Variants in SLC23A2 observed in about 807,000 individuals in gnomAD.
SLC23A2 encodes solute carrier family 23 member 2.
In SLC23A2, 36 loss-of-function variants were observed where a neutral mutation model predicts 73.3. The observed-to-expected ratio is 0.49, with a 90% confidence interval of 0.38 to 0.65. The LOEUF is 0.65. Among genes scored for constraint, SLC23A2 ranks in the 30% least tolerant of loss-of-function variants. The probability of loss-of-function intolerance (pLI) is 0.00; values close to 1 mark genes in which losing one functional copy is unlikely to be tolerated. For missense variants in SLC23A2, 507 were observed against 841.6 expected, an observed-to-expected ratio of 0.60 and a Z score of 4.92; for synonymous variants, 343 against 327.3, an observed-to-expected ratio of 1.05 and a Z score of -0.52.
chr20:4,937,873 T>C (rs2086984292), intron 2 of SLC23A2, among the ~76,000 whole-genome samples: 1 of 152,078 alleles, frequency 6.6e-6, no homozygotes, highest in African/African-American at 2.4e-5. Context: ...AGGAATCACC[T>C]TCAAGCTCCT....
rs377384731 is a variant in SLC23A2 at position 4,869,930 on chromosome 20, G to A, written c.1226C>T (p.Pro409Leu). Residue 409 changes from proline (P) to leucine (L), a missense_variant, in exon 12 of 17, where the codon CCC becomes CTC. By Grantham distance (98) the Pro-to-Leu change is moderately conservative (BLOSUM62 -3). Transcript: ENST00000338244. ...YACARLSCAP[P>L]PPIHAINRGI... The stretch of plus-strand genomic sequence containing the variant: ...CCTGTTTATTGCGTGGATGGGGGGG[G>A]GTGGGGCACAGGACAGCCGTGCACA... The A allele has an allele frequency of 6.2e-7, 1 of 1,608,274 alleles. No individual in the cohort carries two copies. Among genetic ancestry groups the A allele is most frequent in the Non-Finnish European group, 8.5e-7 (1 of 1,175,062 alleles).
chr20:4,987,678 C>T (rs996802239), intron 1 of SLC23A2, among the ~76,000 whole-genome samples: 2 of 151,994 alleles, frequency 1.3e-5, no homozygotes, highest in Non-Finnish European at 2.9e-5. Flanking sequence ...GAAACCCCGT[C>T]TCTACTAAAA....
chr20:4,898,022 G>A lies in SLC23A2; in HGVS notation c.482+1533C>T, dbSNP rs529546831. Among the ~76,000 whole-genome samples, 27 of 152,336 alleles carry A rather than the reference G, an allele frequency of 1.8e-4. No homozygotes were observed. The South Asian group carries it at 5.2e-3, about 29-fold the overall frequency. ...TGAGTGAGCCAAAAAAAGCTCTGCCGTGCACTCTGGACTTGAAGCACAGAG... is the reference window on the plus strand; with the variant it reads ...TGAGTGAGCCAAAAAAAGCTCTGCCATGCACTCTGGACTTGAAGCACAGAG... On this transcript the variant is annotated intron_variant, in intron 6 of 16. Coordinates refer to ENST00000338244, the MANE Select transcript of SLC23A2 (RefSeq NM_005116.6).
chr20:4,996,399 A>G (rs2088020472), intron 1 of SLC23A2, among the ~76,000 whole-genome samples: 1 of 152,106 alleles, frequency 6.6e-6, no homozygotes, highest in African/African-American at 2.4e-5. Context: ...GGCAAAACTC[A>G]TGAGTGGGCC....
chr20:4,870,034 G>T lies in SLC23A2; in HGVS notation c.1122C>A (p.Thr374=). 1 of 1,610,216 alleles carries T rather than the reference G, an allele frequency of 6.2e-7. No homozygotes were observed. Residue 374 remains threonine, a synonymous_variant, in exon 12 of 17, where the codon ACC becomes ACA. Coordinates refer to ENST00000338244, the MANE Select transcript of SLC23A2 (RefSeq NM_005116.6). ...VPYPFQWGLP[T]VSAAGVIGML... ...TGCCGATGACACCGGCCGCAGACAC[G>T]GTGGGCAGTCCCCACTGAACTGTGG...
At chr20:4,976,320 T>A (rs1310946321) in intron 1 of SLC23A2, among the ~76,000 whole-genome samples, 1 of 152,158 alleles carries the variant, frequency 6.6e-6, no homozygotes, top group Non-Finnish European at 1.5e-5. Context: ...GGACATTTTT[T>A]AAGTCTCTCT....
intron 1 of SLC23A2, among the ~76,000 whole-genome samples, chr20:4,974,659 T>C (rs367885224): frequency 6.6e-6 from 1 of 152,216 alleles, no homozygotes; most frequent in South Asian, 2.1e-4. Context: ...ACTACCCTTA[T>C]ATCCTTTATC....
At chr20:4,949,252 C>T (rs926525756) in intron 2 of SLC23A2, among the ~76,000 whole-genome samples, 3 of 146,888 alleles carry the variant, frequency 2.0e-5, no homozygotes, top group Non-Finnish European at 4.5e-5. Flanking sequence ...CGCACCATTG[C>T]ACTCCAGCCT....
intron 3 of SLC23A2, among the ~76,000 whole-genome samples, chr20:4,918,684 C>T (rs1932405702): frequency 6.6e-6 from 1 of 152,054 alleles, no homozygotes; most frequent in Admixed American, 6.6e-5. Flanking sequence ...GCAGAAGTGA[C>T]AGTGCATGTG....
At chr20:4,996,462 C>T (rs1193239508) in intron 1 of SLC23A2, among the ~76,000 whole-genome samples, 3 of 151,774 alleles carry the variant, frequency 2.0e-5, no homozygotes, top group Admixed American at 1.3e-4. Flanking sequence ...CCAAGGTGGG[C>T]GGATCACGAG....
rs1931678564 is a variant in SLC23A2, at chr20:4,899,773, T to C, written c.325-61A>G. On this transcript the variant is annotated intron_variant, in intron 5 of 16. Transcript: ENST00000338244. The surrounding 1 kb of genome is among the most constrained non-coding windows in gnomAD (Gnocchi z 4.9). ...AACCCTTCCTCATTTATTCTTGATT[T>C]CATCCTAATTCTTCTCTCTTATTGT... 3.3e-6 allele frequency: 5 copies of C among 1,515,168 alleles called. No homozygotes were observed. The East Asian group carries it at 1.1e-4, about 34-fold the overall frequency. 93.9% of individuals were successfully genotyped at this position (1,515,168 alleles called of 1,614,324 possible). A position where few individuals can be genotyped will look rare whatever the true frequency, so the allele number is the denominator to read the frequency against.
In SLC23A2 at chr20:4,920,419, A is replaced by G. The variant is rs181052718; in HGVS notation, c.109-7441T>C. 5.9e-5 allele frequency among the ~76,000 whole-genome samples: 9 copies of G among 152,318 alleles called. No individual in the cohort carries two copies. The East Asian group carries it at 1.7e-3, about 29-fold the overall frequency. ...GGTGAGTAGCCCCCTCAGCTTACCA[A>G]GGCACATCCCCTCTGACTCAAAAAT... On this transcript the variant is annotated intron_variant, in intron 3 of 16. Coordinates refer to ENST00000338244, the MANE Select transcript of SLC23A2 (RefSeq NM_005116.6).
intron 9 of SLC23A2, among the ~76,000 whole-genome samples, chr20:4,881,654 G>C (rs1930888125): frequency 6.6e-6 from 1 of 152,068 alleles, no homozygotes; most frequent in Non-Finnish European, 1.5e-5. Context: ...CACATTTTCT[G>C]TATCTTTATT....
intron 1 of SLC23A2, among the ~76,000 whole-genome samples, chr20:4,982,485 T>A (rs2087742520): frequency 6.6e-6 from 1 of 152,194 alleles, no homozygotes; most frequent in African/African-American, 2.4e-5. Flanking sequence ...AAATCCCATC[T>A]GCCTTTTTGG....
intron 6 of SLC23A2, among the ~76,000 whole-genome samples, chr20:4,886,477 CA>C (rs1931103080): frequency 6.6e-6 from 1 of 152,148 alleles, no homozygotes; most frequent in Non-Finnish European, 1.5e-5. Flanking sequence ...TCTGCTTAAT[CA>C]TAAAAATACT....
At chr20:4,867,648 A>AAT in intron 13 of SLC23A2, 122 bp downstream of exon 13, 4 of 426,824 alleles carry the variant, frequency 9.4e-6, no homozygotes, top group Middle Eastern at 4.7e-4. Flanking sequence ...AAAAAAAAAA[A>AAT]GGAGAGAAGT....
At chr20:4,861,227 T>A (rs1174175827) in intron 15 of SLC23A2, among the ~76,000 whole-genome samples, 1 of 152,118 alleles carries the variant, frequency 6.6e-6, no homozygotes, top group Non-Finnish European at 1.5e-5. Context: ...CAGGCGGTGA[T>A]GGGGATTTAC....
chr20:4,876,866 G>C (rs1171517237), intron 9 of SLC23A2, among the ~76,000 whole-genome samples: 2 of 152,170 alleles, frequency 1.3e-5, no homozygotes, highest in African/African-American at 4.8e-5. Flanking sequence ...CTTGTCCCCA[G>C]ACATGAACAG....
chr20:4,912,831 G>T, intron 4 of SLC23A2, 49 bp downstream of exon 4: 1 of 1,178,090 alleles, frequency 8.5e-7, no homozygotes, highest in East Asian at 2.3e-5. Context: ...CAGCACTTGT[G>T]GGAGGGGATG....
Sources: allele counts gnomAD v4.1 joint callset (sites outside exome capture counted in the v4.1 genomes callset), GRCh38; gene constraint gnomAD v4.1.1; non-coding constraint Gnocchi (gnomAD v3.1); transcripts MANE v1.5; gene names NCBI Gene and HGNC (gene_info 2026-07-23, HGNC 2026-07-21).